SLC9C1: variants seen among roughly 807,000 people sequenced by gnomAD.
The protein encoded by SLC9C1 is sodium/hydrogen exchanger 10.
SLC9C1 carries 97 observed loss-of-function variants against 140.9 expected under a neutral mutation model. The ratio of observed to expected loss-of-function variants is 0.69; its 90% CI spans 0.58 to 0.82. The LOEUF (loss-of-function observed/expected upper bound fraction) is 0.82, where lower values mean the gene tolerates loss of function less well. Among genes scored for constraint, SLC9C1 ranks in the 40% least tolerant of loss-of-function variants. SLC9C1 has a pLI of 0.00. For synonymous variants in SLC9C1, 440 were observed against 442.6 expected, an observed-to-expected ratio of 0.99 and a Z score of 0.07; for missense variants, 1,340 against 1,389.3, an observed-to-expected ratio of 0.96 and a Z score of 0.56.
At position 112,278,976 on chromosome 3, in the gene SLC9C1, A is replaced by G. The variant is rs2080290372; in HGVS notation, c.190-119T>C. The G allele has an allele frequency of 1.2e-5, 12 of 987,038 alleles. No individual in the cohort carries two copies. The South Asian group carries it at 2.0e-4, about 16-fold the overall frequency. The allele number at this position is 987,038 out of a possible 1,614,324, so 61.1% of individuals were successfully genotyped here. A position where few individuals can be genotyped will look rare whatever the true frequency, so the allele number is the denominator to read the frequency against. ...ACAATTTTTAAAAGATATATCACAC[A>G]AAGGAGTAAGTGATCGTATCAAATT... On this transcript the variant is annotated intron_variant, in intron 3 of 28. Coordinates refer to ENST00000305815, the MANE Select transcript of SLC9C1 (RefSeq NM_183061.3).
At chr3:112,212,251 G>A (rs1203625581) in intron 15 of SLC9C1, among the ~76,000 whole-genome samples, 1 of 152,080 alleles carries the variant, frequency 6.6e-6, no homozygotes, top group African/African-American at 2.4e-5. Flanking sequence ...CCACAAAGAT[G>A]GGGAAAAAAC....
intron 12 of SLC9C1, among the ~76,000 whole-genome samples, chr3:112,232,893 A>G (rs1022247929): frequency 1.3e-5 from 2 of 151,832 alleles, no homozygotes; most frequent in Non-Finnish European, 2.9e-5. Flanking sequence ...TCTATTTTAT[A>G]TTGAAAATAT....
intron 18 of SLC9C1, 54 bp from the exon 19 acceptor site, chr3:112,200,816 GTCCT>G: frequency 6.8e-7 from 1 of 1,479,266 alleles, no homozygotes; most frequent in Non-Finnish European, 9.3e-7. Context: ...GTTATAAAAT[GTCCT>G]TACATTTGCA....
intron 23 of SLC9C1, among the ~76,000 whole-genome samples, chr3:112,174,969 G>A (rs2077309246): frequency 6.6e-6 from 1 of 152,164 alleles, no homozygotes; most frequent in Non-Finnish European, 1.5e-5. Context: ...GTCTGGACCA[G>A]CCTCTGGTCC....
chr3:112,284,985 C>CTTTTT (rs61428176), intron 2 of SLC9C1, among the ~76,000 whole-genome samples: 1,041 of 103,822 alleles, frequency 0.01, 36 homozygotes, highest in Middle Eastern at 0.016. Flanking sequence ...TACAATTTTT[C>CTTTTT]TTTTTTTTTT....
In SLC9C1 at chr3:112,193,921, C is replaced by G. The variant is rs1025404497; in HGVS notation, c.2523+5400G>C. 7.2e-5 allele frequency among the ~76,000 whole-genome samples: 11 copies of G among 152,194 alleles called. No individual in the cohort carries two copies. The East Asian group carries it at 2.1e-3, about 29-fold the overall frequency. On this transcript the variant is annotated intron_variant, in intron 20 of 28. Transcript: ENST00000305815. ...CACAGCTGATCCTAGGCCCCAGTTT[C>G]ACACAACTGGGTTTGTGGCATTCAG...
At position 112,177,007 on chromosome 3, in the gene SLC9C1, T is replaced by C. The variant is rs993637217; in HGVS notation, c.2919+2524A>G. On this transcript the variant is annotated intron_variant, in intron 23 of 28. Transcript: ENST00000305815. ...CTGGTGTCTCTCTCTCTCTCTCTCT[T>C]TTTTTTTTTTTTTTTTGGTGATAGA... is the stretch of plus-strand genomic sequence containing the variant. Among the ~76,000 whole-genome samples the C allele has an allele frequency of 8.8e-4, 112 of 127,932 alleles. 1 individual carries two copies. The highest frequency in any genetic ancestry group is 4.5e-3 in the East Asian group (22 of 4,912). 83.9% of individuals were successfully genotyped at this position (127,932 alleles called of 152,430 possible).
intron 28 of SLC9C1, among the ~76,000 whole-genome samples, chr3:112,150,791 TAC>T (rs1560003197): frequency 3.1e-4 from 4 of 13,088 alleles, no homozygotes; most frequent in Non-Finnish European, 4.7e-4. Context: ...TAAATACATA[TAC>T]ATATATATAT....
intron 2 of SLC9C1, among the ~76,000 whole-genome samples, chr3:112,285,344 T>A (rs1163622430): frequency 6.6e-6 from 1 of 152,116 alleles, no homozygotes; most frequent in Non-Finnish European, 1.5e-5. Flanking sequence ...GCTCGAGCGA[T>A]CCTCCCACCT....
chr3:112,200,323 A>C (rs1240014913), intron 19 of SLC9C1, among the ~76,000 whole-genome samples: 1 of 152,094 alleles, frequency 6.6e-6, no homozygotes, highest in Non-Finnish European at 1.5e-5. Flanking sequence ...TAAGACCTAA[A>C]TCCTTAAATG....
At chr3:112,222,316 A>C (rs551201602) in intron 13 of SLC9C1, among the ~76,000 whole-genome samples, 13 of 152,290 alleles carry the variant, frequency 8.5e-5, no homozygotes, top group Admixed American at 2.6e-4. Context: ...CAAATCAACA[A>C]ATCAAGATGA....
intron 13 of SLC9C1, among the ~76,000 whole-genome samples, chr3:112,228,849 C>G (rs2078747726): frequency 6.6e-6 from 1 of 151,904 alleles, no homozygotes; most frequent in Admixed American, 6.6e-5. Context: ...CTTTCCCTGG[C>G]TAGAATACAA....
intron 2 of SLC9C1, among the ~76,000 whole-genome samples, chr3:112,285,386 G>A (rs900077677): frequency 1.4e-4 from 21 of 152,052 alleles, no homozygotes; most frequent in South Asian, 4.1e-4. Flanking sequence ...CCATAGGTGT[G>A]CACCACCACT....
intron 7 of SLC9C1, among the ~76,000 whole-genome samples, chr3:112,267,602 G>A (rs373140981): frequency 5.3e-3 from 537 of 101,534 alleles, no homozygotes; most frequent in East Asian, 0.01. Flanking sequence ...AAAAAAGAGA[G>A]AGAGAGAGAA....
At chr3:112,279,697 T>C (rs2080308324) in intron 3 of SLC9C1, among the ~76,000 whole-genome samples, 1 of 152,192 alleles carries the variant, frequency 6.6e-6, no homozygotes, top group Admixed American at 6.5e-5. Context: ...TTACATTTCT[T>C]CTCCTGTGGC....
intron 26 of SLC9C1, among the ~76,000 whole-genome samples, chr3:112,157,020 A>G (rs956621357): frequency 3.3e-5 from 5 of 152,054 alleles, no homozygotes; most frequent in African/African-American, 1.2e-4. Context: ...GAAGCTTTTT[A>G]GCTTGATATA....
intron 23 of SLC9C1, among the ~76,000 whole-genome samples, chr3:112,177,311 T>A (rs2077358702): frequency 6.6e-6 from 1 of 152,024 alleles, no homozygotes; most frequent in Admixed American, 6.6e-5. Context: ...CTTGCCTGAC[T>A]CCTGGTATCT....
In SLC9C1 at chr3:112,202,054, A is replaced by G. The variant is rs748403234; in HGVS notation, c.2322+196T>C. ...GAAGTGTGCCTTATAGGAGCCTTGTAACTTGCTAATATGGCACAGTTCATT... is the reference window on the plus strand; with the variant it reads ...GAAGTGTGCCTTATAGGAGCCTTGTGACTTGCTAATATGGCACAGTTCATT... On this transcript the variant is annotated intron_variant, in intron 18 of 28. Coordinates refer to ENST00000305815, the MANE Select transcript of SLC9C1 (RefSeq NM_183061.3). 3.3e-5 allele frequency among the ~76,000 whole-genome samples: 5 copies of G among 152,034 alleles called. No individual in the cohort carries two copies. In the South Asian group the frequency reaches 6.2e-4, roughly 19 times the overall value.
intron 23 of SLC9C1, among the ~76,000 whole-genome samples, chr3:112,172,542 T>G: frequency 6.6e-6 from 1 of 152,094 alleles, no homozygotes; most frequent in South Asian, 2.1e-4. Flanking sequence ...AGTTTACTTC[T>G]TTTTCTAGCC....
Sources: gnomAD v4.1 joint callset for allele counts (sites outside exome capture counted in the v4.1 genomes callset) on GRCh38, gnomAD v4.1.1 for gene constraint, MANE v1.5 for transcripts, NCBI Gene and HGNC (gene_info 2026-07-23, HGNC 2026-07-21) for gene names.